POMGNT2: variants seen among roughly 807,000 people sequenced by gnomAD.
POMGNT2 encodes the protein protein O-linked-mannose beta-1,4-N-acetylglucosaminyltransferase 2.
Under a neutral mutation model 37.8 loss-of-function variants are expected in POMGNT2, and 32 were observed. The ratio of observed to expected loss-of-function variants is 0.85; its 90% CI spans 0.64 to 1.14. The LOEUF (loss-of-function observed/expected upper bound fraction) is 1.14. Among genes scored for constraint, POMGNT2 ranks in the 50% most tolerant of loss-of-function variants. POMGNT2 has a pLI of 0.00. For synonymous variants in POMGNT2, 340 were observed against 336.8 expected (o/e 1.01, Z -0.10); for missense variants, 705 against 780.6 (o/e 0.90, Z 1.15).
intron 1 of POMGNT2, among the ~76,000 whole-genome samples, chr3:43,086,536 G>A (rs2089899150): frequency 6.6e-6 from 1 of 152,218 alleles, no homozygotes; most frequent in South Asian, 2.1e-4. Flanking sequence ...AGTATGCCAT[G>A]CATGTGACTC....
chr3:43,080,921 CG>C lies in POMGNT2; in HGVS notation c.510del (p.Asp170GlufsTer51). On this transcript the variant is annotated frameshift_variant, in exon 2 of 2. Coordinates refer to ENST00000344697, the MANE Select transcript of POMGNT2 (RefSeq NM_032806.6). LOFTEE classifies it high-confidence loss of function. ...AGGGTGTAGAAGAGTGGCAGCAGGTCGTCATGAAAGACGTGCATGAGGTTGT... is the reference window on the plus strand; with the variant it reads ...AGGGTGTAGAAGAGTGGCAGCAGGTCTCATGAAAGACGTGCATGAGGTTGT... The part of the protein sequence containing the change: ...NPDNLMHVFH[D>X]DLLPLFYTLR... 1 of 1,614,036 alleles carries C rather than the reference CG, an allele frequency of 6.2e-7. No homozygotes were observed. Among genetic ancestry groups the C allele is most frequent in the Non-Finnish European group, 8.5e-7 (1 of 1,179,984 alleles).
chr3:43,098,462 C>A lies in POMGNT2; in HGVS notation c.-106+7374G>T, dbSNP rs929831012. On this transcript the variant is annotated intron_variant, in intron 1 of 1. Coordinates refer to ENST00000344697, the MANE Select transcript of POMGNT2 (RefSeq NM_032806.6). The surrounding 1 kb of genome is among the most constrained non-coding windows in gnomAD (Gnocchi z 4.3). Reference sequence around the variant, plus strand: ...AACCTAATGCTATTGATAAATTCGGCATTTATAGATCAGGTTTTCTGACCA... The same window carrying A: ...AACCTAATGCTATTGATAAATTCGGAATTTATAGATCAGGTTTTCTGACCA... 6.6e-6 allele frequency among the ~76,000 whole-genome samples: 1 copy of A among 152,124 alleles called. No homozygotes were observed. Among genetic ancestry groups the A allele is most frequent in the African/African-American group, 2.4e-5 (1 of 41,408 alleles).
chr3:43,104,741 T>C (rs1032830989), intron 1 of POMGNT2, among the ~76,000 whole-genome samples: 1 of 152,216 alleles, frequency 6.6e-6, no homozygotes, highest in Non-Finnish European at 1.5e-5. Flanking sequence ...TTTCTGTCGT[T>C]AGTCACCACG....
At chr3:43,102,538 A>G (rs1263493145) in intron 1 of POMGNT2, among the ~76,000 whole-genome samples, 4 of 152,172 alleles carry the variant, frequency 2.6e-5, no homozygotes. Flanking sequence ...TGGGTAGGGG[A>G]TAAAGATGAA....
intron 1 of POMGNT2, among the ~76,000 whole-genome samples, chr3:43,086,011 T>C (rs1186510677): frequency 2.6e-5 from 4 of 152,316 alleles, no homozygotes; most frequent in Non-Finnish European, 5.9e-5. Context: ...TCCAATGTTT[T>C]ATATATAATG....
At chr3:43,096,301 A>C (rs1331039250) in intron 1 of POMGNT2, among the ~76,000 whole-genome samples, 1 of 152,132 alleles carries the variant, frequency 6.6e-6, no homozygotes, top group Non-Finnish European at 1.5e-5. Flanking sequence ...AACAACTATT[A>C]AATATGAACC....
At chr3:43,086,380 C>T (rs2089898214) in intron 1 of POMGNT2, among the ~76,000 whole-genome samples, 1 of 152,204 alleles carries the variant, frequency 6.6e-6, no homozygotes, top group African/African-American at 2.4e-5. Flanking sequence ...GAACCCACAA[C>T]CCCACTGCCT....
chr3:43,095,637 T>C (rs556710256), intron 1 of POMGNT2, among the ~76,000 whole-genome samples: 2 of 152,312 alleles, frequency 1.3e-5, no homozygotes, highest in African/African-American at 2.4e-5. Flanking sequence ...TTATTCCCTA[T>C]TTTTAGATGA....
chr3:43,087,145 G>A (rs1343578495), intron 1 of POMGNT2, among the ~76,000 whole-genome samples: 3 of 152,342 alleles, frequency 2.0e-5, no homozygotes, highest in Non-Finnish European at 4.4e-5. Context: ...AGCCTTCAGA[G>A]GGAGCATGGC....
At chr3:43,089,393 C>A (rs1313436276) in intron 1 of POMGNT2, among the ~76,000 whole-genome samples, 1 of 152,178 alleles carries the variant, frequency 6.6e-6, no homozygotes, top group Non-Finnish European at 1.5e-5. Flanking sequence ...ACAATCCAGT[C>A]TGGTTGGAAT....
At chr3:43,095,390 C>T (rs1463471606) in intron 1 of POMGNT2, among the ~76,000 whole-genome samples, 2 of 152,228 alleles carry the variant, frequency 1.3e-5, no homozygotes, top group African/African-American at 2.4e-5. Flanking sequence ...ACAGAGCCTC[C>T]AATGAGATGG....
intron 1 of POMGNT2, among the ~76,000 whole-genome samples, chr3:43,087,118 G>T (rs950269386): frequency 6.6e-6 from 1 of 152,150 alleles, no homozygotes; most frequent in African/African-American, 2.4e-5. Flanking sequence ...TAGAAGAAAG[G>T]AAGGATTCTC....
chr3:43,084,623 TGACA>T (rs1228681540), intron 1 of POMGNT2, among the ~76,000 whole-genome samples: 1 of 149,200 alleles, frequency 6.7e-6, no homozygotes, highest in Admixed American at 6.7e-5. Flanking sequence ...CCAGCCTGGG[TGACA>T]GACAGAGCGA....
chr3:43,085,237 C>T (rs1305631896), intron 1 of POMGNT2, among the ~76,000 whole-genome samples: 1 of 152,146 alleles, frequency 6.6e-6, no homozygotes, highest in Non-Finnish European at 1.5e-5. Flanking sequence ...TCGTGAAAGT[C>T]TAGGCTTCCC....
At chr3:43,084,780 C>G (rs910832039) in intron 1 of POMGNT2, among the ~76,000 whole-genome samples, 8 of 152,086 alleles carry the variant, frequency 5.3e-5, no homozygotes, top group Non-Finnish European at 1.2e-4. Flanking sequence ...CTGATTCTTT[C>G]CTGTGTCCTT....
chr3:43,080,438 C>T lies in POMGNT2; in HGVS notation c.994G>A (p.Val332Met), dbSNP rs549430013. 3.5e-5 allele frequency: 56 copies of T among 1,614,194 alleles called. No individual in the cohort carries two copies. The Middle Eastern group carries it at 4.9e-4, about 14-fold the overall frequency. ...ATGGAGGCATTGCTGACCAGCCGCA[C>T]GACATCAGCAAAGGTGTGGTCCTCC... ...SLEDHTFADV[V>M]RLVSNASMLV... The change falls in exon 2 of 2, where the codon GTG (valine) becomes ATG (methionine). Residue 332 changes from valine to methionine, a missense_variant. Transcript: ENST00000344697.
intron 1 of POMGNT2, among the ~76,000 whole-genome samples, chr3:43,085,980 C>A (rs1264383257): frequency 6.6e-6 from 1 of 152,184 alleles, no homozygotes; most frequent in African/African-American, 2.4e-5. Flanking sequence ...CTGGTTCACT[C>A]TTTTCTCCAC....
At position 43,092,615 on chromosome 3, in the gene POMGNT2, T is replaced by C. The variant is rs4999468; in HGVS notation, c.-105-11079A>G. Among the ~76,000 whole-genome samples the C allele has an allele frequency of 2.0e-3, 301 of 152,292 alleles. 1 individual carries two copies. Among genetic ancestry groups the C allele is most frequent in the African/African-American group, 6.7e-3 (280 of 41,548 alleles). ...ACCCAGCTGAGAACATGAGTCTCTA[T>C]AAATATTAATGACATGTAAAATGAC... On this transcript the variant is annotated intron_variant, in intron 1 of 1. Coordinates refer to ENST00000344697, the MANE Select transcript of POMGNT2 (RefSeq NM_032806.6).
At position 43,106,054 on chromosome 3, in the gene POMGNT2, G is replaced by A. The variant is rs1455200098; in HGVS notation, c.-324C>T. The A allele has an allele frequency of 6.6e-6, 1 of 151,612 alleles. No homozygotes were observed. Among genetic ancestry groups the A allele is most frequent in the African/African-American group, 2.4e-5 (1 of 41,312 alleles). The allele number at this position is 151,612 out of a possible 1,614,324, so 9.4% of individuals were successfully genotyped here. A position where few individuals can be genotyped will look rare whatever the true frequency, so the allele number is the denominator to read the frequency against. The stretch of plus-strand genomic sequence containing the variant: ...GGTGTCCGCCGTGCGCCTGCCCGGC[G>A]GGCGAGCCCGGCGCGGAGCCTGTGC... On this transcript the variant is annotated 5_prime_UTR_variant, in exon 1 of 2. Transcript: ENST00000344697.
Sources: allele counts gnomAD v4.1 joint callset (sites outside exome capture counted in the v4.1 genomes callset), GRCh38; gene constraint gnomAD v4.1.1; non-coding constraint Gnocchi (gnomAD v3.1); transcripts MANE v1.5; gene names NCBI Gene and HGNC (gene_info 2026-07-23, HGNC 2026-07-21).